Variants in ALAS1 observed in about 807,000 individuals in gnomAD.
ALAS1 encodes 5'-aminolevulinate synthase 1.
Under a neutral mutation model 59.6 loss-of-function variants are expected in ALAS1, and 29 were observed. The ratio of observed to expected loss-of-function variants is 0.49; its 90% CI spans 0.36 to 0.66. The LOEUF is 0.66. Ranked by LOEUF, ALAS1 falls within the 30% of genes least tolerant of loss-of-function variation. The probability of loss-of-function intolerance (pLI) is 0.00; values close to 1 mark genes in which losing one functional copy is unlikely to be tolerated. For missense variants in ALAS1, 690 were observed against 807.5 expected (o/e 0.85, Z 1.76); for synonymous variants, 299 against 296.6 (o/e 1.01, Z -0.08).
intron 3 of ALAS1, among the ~76,000 whole-genome samples, chr3:52,201,008 A>G (rs1010388219): frequency 9.9e-5 from 15 of 152,022 alleles, no homozygotes; most frequent in African/African-American, 3.6e-4. Flanking sequence ...TTCTTTTTCT[A>G]GACTTTAATG....
intron 7 of ALAS1, 116 bp from the exon 8 acceptor site, chr3:52,206,455 CT>C: frequency 8.2e-7 from 1 of 1,215,966 alleles, no homozygotes; most frequent in Non-Finnish European, 1.2e-6. Flanking sequence ...CACACAGTGT[CT>C]TTTTCCTACT....
chr3:52,205,967 C>T lies in ALAS1; in HGVS notation c.929C>T (p.Ser310Phe). The T allele has an allele frequency of 6.2e-7, 1 of 1,614,114 alleles. No individual in the cohort carries two copies. The highest frequency in any genetic ancestry group is 8.5e-7 in the Non-Finnish European group (1 of 1,180,004). ...LHGKDAALLFSSCFVANDSTL... is the reference protein window; with the variant it reads ...LHGKDAALLFFSCFVANDSTL... ...GGGAAAGATGCCGCACTCTTGTTTT[C>T]CTCGTGCTTTGTGGCCAATGACTCA... The change falls in exon 7 of 12, where the codon TCC (serine) becomes TTC (phenylalanine). Residue 310 changes from serine to phenylalanine, a missense_variant. Transcript: ENST00000484952.
In ALAS1 at chr3:52,212,381, A is replaced by C; in HGVS notation, c.1723A>C (p.Thr575Pro). The C allele has an allele frequency of 6.2e-7, 1 of 1,613,912 alleles. No individual in the cohort carries two copies. The highest frequency in any genetic ancestry group is 8.5e-7 in the Non-Finnish European group (1 of 1,179,978). The change falls in exon 11 of 12, where the codon ACC (threonine) becomes CCC (proline). Residue 575 changes from threonine (T) to proline (P), a missense_variant. Thr to Pro is a conservative substitution (Grantham distance 38, BLOSUM62 -1). Coordinates refer to ENST00000484952, the MANE Select transcript of ALAS1 (RefSeq NM_000688.6). ...RGEELLRIAP[T>P]PHHTPQMMNY... ...AGAAGAGCTCCTACGGATTGCCCCC[A>C]CCCCTCACCACACACCCCAGATGAT... is the stretch of plus-strand genomic sequence containing the variant.
intron 5 of ALAS1, 84 bp from the exon 6 acceptor site, chr3:52,204,609 C>A: frequency 8.6e-7 from 1 of 1,161,548 alleles, no homozygotes. Flanking sequence ...CCCTCAGTTG[C>A]CAAGCTGAGA....
intron 9 of ALAS1, 39 bp downstream of exon 9, chr3:52,208,286 A>G: frequency 6.2e-7 from 1 of 1,609,044 alleles, no homozygotes; most frequent in Non-Finnish European, 8.5e-7. Context: ...AAATTCCATT[A>G]TCCTAACAAG....
At chr3:52,200,874 A>G (rs944829639) in intron 3 of ALAS1, among the ~76,000 whole-genome samples, 2 of 151,984 alleles carry the variant, frequency 1.3e-5, no homozygotes, top group African/African-American at 4.8e-5. Flanking sequence ...CTTGTAAGAA[A>G]ATAAGTTTTT....
chr3:52,206,099 G>C, intron 7 of ALAS1, 76 bp downstream of exon 7: 2 of 1,342,238 alleles, frequency 1.5e-6, no homozygotes, highest in East Asian at 4.7e-5. Flanking sequence ...CAACAAAGAA[G>C]CCTTACCAGA....
At chr3:52,210,749 AGCCTG>A (rs1467884763) in intron 9 of ALAS1, among the ~76,000 whole-genome samples, 2 of 152,280 alleles carry the variant, frequency 1.3e-5, no homozygotes, top group African/African-American at 4.8e-5. Context: ...ACTGCACTCC[AGCCTG>A]GGTGACAGAG....
At position 52,203,979 on chromosome 3, in the gene ALAS1, G is replaced by A. The variant is rs768498244; in HGVS notation, c.544G>A (p.Val182Met). 3 of 1,612,284 alleles carry A rather than the reference G, an allele frequency of 1.9e-6. No homozygotes were observed. The highest frequency in any genetic ancestry group is 1.1e-5 in the South Asian group (1 of 90,720). ...DIMQKQRPER[V>M]SHLLQDNLPK... is the part of the protein sequence containing the mutation. ...CATGCAAAAGCAAAGACCAGAAAGA[G>A]TGTCTCATCTTCTTCAAGATAACTT... The change falls in exon 5 of 12, where the codon GTG becomes ATG. Residue 182 changes from valine (V) to methionine (M), a missense_variant. Physicochemically the swap from Val to Met is conservative, Grantham distance 21 (BLOSUM62 1). Coordinates refer to ENST00000484952, the MANE Select transcript of ALAS1 (RefSeq NM_000688.6).
chr3:52,202,517 T>G lies in ALAS1; in HGVS notation c.210T>G (p.Thr70=). The G allele has an allele frequency of 6.2e-7, 1 of 1,612,010 alleles. No individual in the cohort carries two copies. The highest frequency in any genetic ancestry group is 8.5e-7 in the Non-Finnish European group (1 of 1,178,138). Residue 70 remains threonine, a synonymous_variant, in exon 4 of 12, where the codon ACT becomes ACG. Transcript: ENST00000484952. ...CATTTCCTCCCTCAGAAGACAAAAC[T>G]GCTAAGGCCAAGGTCCAACAGACTC... The part of the protein sequence containing the change: ...ETPPASEKDK[T]AKAKVQQTPD...
intron 4 of ALAS1, among the ~76,000 whole-genome samples, chr3:52,203,507 C>T (rs953863816): frequency 6.6e-6 from 1 of 151,740 alleles, no homozygotes; most frequent in African/African-American, 2.4e-5. Context: ...TGCCACTGCT[C>T]TCCAGCCTGG....
At chr3:52,201,588 CA>C (rs1482534809) in intron 3 of ALAS1, among the ~76,000 whole-genome samples, 1 of 151,866 alleles carries the variant, frequency 6.6e-6, no homozygotes, top group African/African-American at 2.4e-5. Context: ...TCCGTCTCTA[CA>C]AAAAATAAAA....
intron 6 of ALAS1, among the ~76,000 whole-genome samples, chr3:52,205,522 T>C (rs962818508): frequency 7.2e-5 from 11 of 152,198 alleles, no homozygotes; most frequent in African/African-American, 2.4e-4. Context: ...TAACATGTTA[T>C]TGGAAAGAAT....
chr3:52,207,384 C>T (rs1699316583), intron 8 of ALAS1, among the ~76,000 whole-genome samples: 1 of 152,258 alleles, frequency 6.6e-6, no homozygotes, highest in East Asian at 1.9e-4. Context: ...GATCCGCCCA[C>T]CTTGGCGTCC....
chr3:52,207,950 G>T, intron 8 of ALAS1, 133 bp from the exon 9 acceptor site: 1 of 1,003,542 alleles, frequency 1.0e-6, no homozygotes, highest in Non-Finnish European at 1.4e-6. Context: ...CTAGAAATTA[G>T]AGGAAGTTCA....
chr3:52,202,470 A>G lies in ALAS1; in HGVS notation c.200-37A>G, dbSNP rs759621720. ...TGGTTTTCTTACATACTGTGCAACC[A>G]GATCTGATGCTTCACTTTTTCCATT... On this transcript the variant is annotated intron_variant, in intron 3 of 11. Transcript: ENST00000484952. 12 of 1,540,000 alleles carry G rather than the reference A, an allele frequency of 7.8e-6. No individual in the cohort carries two copies. The Admixed American group carries it at 1.7e-4, about 21-fold the overall frequency.
In ALAS1 at chr3:52,211,450, C is replaced by G; in HGVS notation, c.1498C>G (p.Leu500Val). ...RILKSAEGRV[L>V]RRQHQRNVKL... ...CCTGAAGAGCGCTGAGGGACGGGTG[C>G]TTCGCCGCCAGCACCAGCGCAACGT... The change falls in exon 10 of 12, where the codon CTT becomes GTT. Residue 500 changes from leucine (L) to valine (V), a missense_variant. Coordinates refer to ENST00000484952, the MANE Select transcript of ALAS1 (RefSeq NM_000688.6). 1 of 1,614,256 alleles carries G rather than the reference C, an allele frequency of 6.2e-7. No homozygotes were observed. The highest frequency in any genetic ancestry group is 8.5e-7 in the Non-Finnish European group (1 of 1,180,050).
chr3:52,198,169 C>A lies in ALAS1; in HGVS notation c.-296C>A, dbSNP rs709315. 1.5e-5 allele frequency: 6 copies of A among 398,466 alleles called. No individual in the cohort carries two copies. Among genetic ancestry groups the A allele is most frequent in the African/African-American group, 1.2e-4 (6 of 48,624 alleles). The allele number at this position is 398,466 out of a possible 1,614,324, so 24.7% of individuals were successfully genotyped here. On this transcript the variant is annotated 5_prime_UTR_variant, in exon 1 of 12. Transcript: ENST00000484952. Reference sequence around the variant, plus strand: ...CGGCGATCGCGGCCTGAGGCTGCTCCCGGACAAGGGCAACGAGCGTTTCGT... The same window carrying A: ...CGGCGATCGCGGCCTGAGGCTGCTCACGGACAAGGGCAACGAGCGTTTCGT...
rs1367795400 is a variant in ALAS1, at chr3:52,198,170, C to T, written c.-295C>T. 3 of 398,576 alleles carry T rather than the reference C, an allele frequency of 7.5e-6. No individual in the cohort carries two copies. Among genetic ancestry groups the T allele is most frequent in the South Asian group, 1.3e-4 (1 of 7,974 alleles). The allele number at this position is 398,576 out of a possible 1,614,324, so 24.7% of individuals were successfully genotyped here. On this transcript the variant is annotated 5_prime_UTR_variant, in exon 1 of 12. Coordinates refer to ENST00000484952, the MANE Select transcript of ALAS1 (RefSeq NM_000688.6). ...GGCGATCGCGGCCTGAGGCTGCTCC[C>T]GGACAAGGGCAACGAGCGTTTCGTT...
Sources: gnomAD v4.1 joint callset for allele counts (sites outside exome capture counted in the v4.1 genomes callset) on GRCh38, gnomAD v4.1.1 for gene constraint, MANE v1.5 for transcripts, NCBI Gene and HGNC (gene_info 2026-07-23, HGNC 2026-07-21) for gene names.